The following CPB1 variants were observed in gnomAD, a reference collection of about 807,000 sequenced individuals.
CPB1 encodes the protein carboxypeptidase B.
A neutral mutation model predicts 51.4 loss-of-function variants in CPB1; 53 were observed. The observed-to-expected ratio is 1.03, with a 90% CI of 0.83 to 1.30. The LOEUF is 1.30. Among genes scored for constraint, CPB1 ranks in the 50% most tolerant of loss-of-function variants. The pLI is 0.00. For synonymous variants in CPB1, 189 were observed against 186.9 expected (o/e 1.01, Z -0.09); for missense variants, 494 against 516.2 (o/e 0.96, Z 0.42).
At chr3:148,833,300 G>T (rs557722080) in intron 2 of CPB1, among the ~76,000 whole-genome samples, 1 of 152,068 alleles carries the variant, frequency 6.6e-6, no homozygotes, top group African/African-American at 2.4e-5. Flanking sequence ...GCCTCCCATT[G>T]CCCTGACATT....
rs202185360 is a variant in CPB1 at position 148,836,158 on chromosome 3, GT to G, written c.272+1547del. ...TGTTGTACAAAGAAGGAGATTATAC[GT>G]TTTTTTTTTTAAGAGTCAACAGTAA... is the stretch of plus-strand genomic sequence containing the variant. On this transcript the variant is annotated intron_variant, in intron 3 of 10. Coordinates refer to ENST00000282957, the MANE Select transcript of CPB1 (RefSeq NM_001871.3). 5.9e-3 allele frequency among the ~76,000 whole-genome samples: 857 copies of G among 145,772 alleles called. 4 individuals carry two copies. Among genetic ancestry groups the G allele is most frequent in the Middle Eastern group, 0.028 (8 of 282 alleles).
intron 3 of CPB1, among the ~76,000 whole-genome samples, chr3:148,840,177 CA>C (rs1173610425): frequency 3.9e-5 from 6 of 152,218 alleles, no homozygotes; most frequent in Admixed American, 2.6e-4. Context: ...TCTGAATTTC[CA>C]GACAAGATAT....
At chr3:148,856,238 A>G (rs1247600283) in intron 9 of CPB1, 2 of 152,244 alleles carry the variant, frequency 1.3e-5, no homozygotes, top group African/African-American at 4.8e-5. Context: ...TGATTGCATC[A>G]TTTCAGTGGA....
At chr3:148,856,028 G>T (rs1417606730) in intron 9 of CPB1, 1 of 152,016 alleles carries the variant, frequency 6.6e-6, no homozygotes, top group African/African-American at 2.4e-5. Context: ...TTAAACAAAG[G>T]GTTAAAAAAA....
intron 2 of CPB1, among the ~76,000 whole-genome samples, chr3:148,833,862 C>T (rs768766814): frequency 2.6e-5 from 4 of 152,102 alleles, no homozygotes; most frequent in Non-Finnish European, 5.9e-5. Context: ...CCTAGCATAT[C>T]GTAGGTTCTC....
rs1291657012 is a variant in CPB1 at position 148,845,679 on chromosome 3, C to T, written c.981+53C>T. ...TTTTACTATTGAGATTTTTTAAATT[C>T]TAATCCTGAAAAAAAAATCATTATA... On this transcript the variant is annotated intron_variant, in intron 9 of 10. Transcript: ENST00000282957. 2.2e-6 allele frequency: 3 copies of T among 1,388,156 alleles called. No homozygotes were observed. In the East Asian group the frequency reaches 7.1e-5, roughly 33 times the overall value. 86.0% of individuals were successfully genotyped at this position (1,388,156 alleles called of 1,614,324 possible).
intron 3 of CPB1, 109 bp downstream of exon 3, chr3:148,834,731 C>A: frequency 1.0e-6 from 1 of 997,314 alleles, no homozygotes; most frequent in Non-Finnish European, 1.4e-6. Context: ...ATGCCTTCCC[C>A]AGGACCCCAC....
intron 6 of CPB1, among the ~76,000 whole-genome samples, chr3:148,843,115 T>A (rs1293173107): frequency 1.4e-4 from 22 of 152,118 alleles, no homozygotes; most frequent in Admixed American, 1.3e-3. Flanking sequence ...CAATGTAGGA[T>A]CCTAGATTGT....
Position 148,828,002 on chromosome 3 carries a change from C to T in CPB1, c.72C>T (p.Gly24=), listed in dbSNP as rs80013498. Residue 24 remains glycine, a splice_region_variant and synonymous_variant, in exon 2 of 11, where the codon GGC becomes GGT. Coordinates refer to ENST00000282957, the MANE Select transcript of CPB1 (RefSeq NM_001871.3). ...GTGCTTCTATTATCTCATTATTCAG[C>T]GAGAAGGTGTTCCGTGTTAACGTTG... is the stretch of plus-strand genomic sequence containing the variant. ...SAHHGGEHFE[G]EKVFRVNVED... 1.7e-3 allele frequency: 2,795 copies of T among 1,613,740 alleles called. 48 individuals are homozygous for T. The African/African-American group carries it at 0.034, about 19-fold the overall frequency.
At position 148,840,803 on chromosome 3, in the gene CPB1, T is replaced by G; in HGVS notation, c.372+18T>G. Reference sequence around the variant, plus strand: ...GGGAAACGGTATGATGTGCACATGATTTAGACAGATATTACTTTGGGAATT... The same window carrying G: ...GGGAAACGGTATGATGTGCACATGAGTTAGACAGATATTACTTTGGGAATT... On this transcript the variant is annotated intron_variant, in intron 4 of 10. Coordinates refer to ENST00000282957, the MANE Select transcript of CPB1 (RefSeq NM_001871.3). 1.9e-6 allele frequency: 3 copies of G among 1,613,590 alleles called. No homozygotes were observed. Among genetic ancestry groups the G allele is most frequent in the Non-Finnish European group, 2.5e-6 (3 of 1,179,530 alleles).
chr3:148,857,062 G>GTTTTTTTTTTTTT (rs35574359), intron 9 of CPB1: 7 of 48,176 alleles, frequency 1.5e-4, no homozygotes, highest in African/African-American at 3.9e-4. Context: ...ATTGCCAAGT[G>GTTTTTTTTTTTTT]TTTTTTTTTT....
At chr3:148,852,877 C>G (rs763978690) in intron 9 of CPB1, among the ~76,000 whole-genome samples, 5 of 152,176 alleles carry the variant, frequency 3.3e-5, no homozygotes, top group African/African-American at 4.8e-5. Flanking sequence ...CAAACTTTTT[C>G]CTAACTCCTT....
At position 148,859,848 on chromosome 3, in the gene CPB1, A is replaced by C; in HGVS notation, c.1100A>C (p.Tyr367Ser). 1.2e-6 allele frequency: 2 copies of C among 1,614,062 alleles called. No homozygotes were observed. The highest frequency in any genetic ancestry group is 1.7e-6 in the Non-Finnish European group (2 of 1,179,962). ...PAAGGSDDWA[Y>S]DQGIRYSFTF... ...GCTGGGGGCTCTGACGACTGGGCTT[A>C]TGACCAAGGAATCAGATATTCCTTC... is the stretch of plus-strand genomic sequence containing the variant. The change falls in exon 11 of 11, where the codon TAT becomes TCT. Residue 367 changes from tyrosine to serine, a missense_variant. Physicochemically the swap from Tyr to Ser is moderately radical, Grantham distance 144 (BLOSUM62 -2). Transcript: ENST00000282957.
Position 148,829,892 on chromosome 3 carries a change from G to T in CPB1, c.147+1815G>T, listed in dbSNP as rs116662497. Reference sequence around the variant, plus strand: ...AAGTTTACTCAACTACCCAAGCTAGGGGGGTGTTACCTAGGGGTAACTCTG... The same window carrying T: ...AAGTTTACTCAACTACCCAAGCTAGTGGGGTGTTACCTAGGGGTAACTCTG... On this transcript the variant is annotated intron_variant, in intron 2 of 10. Coordinates refer to ENST00000282957, the MANE Select transcript of CPB1 (RefSeq NM_001871.3). 8.9e-3 allele frequency among the ~76,000 whole-genome samples: 1,352 copies of T among 152,150 alleles called. 23 individuals carry two copies. The highest frequency in any genetic ancestry group is 0.031 in the African/African-American group (1,285 of 41,494).
intron 9 of CPB1, among the ~76,000 whole-genome samples, chr3:148,852,729 C>A (rs1298322075): frequency 6.6e-6 from 1 of 152,206 alleles, no homozygotes; most frequent in Non-Finnish European, 1.5e-5. Flanking sequence ...ACTCACACTT[C>A]ACATTTCCCT....
At chr3:148,834,389 G>A (rs1412216283) in intron 2 of CPB1, 109 bp from the exon 3 acceptor site, 4 of 1,061,144 alleles carry the variant, frequency 3.8e-6, no homozygotes, top group Middle Eastern at 2.1e-4. Context: ...AGATTTCATG[G>A]ATGATTTGAT....
At chr3:148,856,497 TAGA>T (rs1006767787) in intron 9 of CPB1, 1 of 152,234 alleles carries the variant, frequency 6.6e-6, no homozygotes, top group African/African-American at 2.4e-5. Flanking sequence ...CAGGCATATG[TAGA>T]AGAAGTAATT....
At chr3:148,833,454 T>C (rs1003922266) in intron 2 of CPB1, among the ~76,000 whole-genome samples, 2 of 152,174 alleles carry the variant, frequency 1.3e-5, no homozygotes, top group African/African-American at 4.8e-5. Context: ...CAGTTTCTGC[T>C]GCATAACCTC....
intron 2 of CPB1, among the ~76,000 whole-genome samples, chr3:148,833,519 A>G (rs532991730): frequency 6.6e-6 from 1 of 152,248 alleles, no homozygotes; most frequent in African/African-American, 2.4e-5. Flanking sequence ...AAATATCACC[A>G]TCAGACATAT....
Sources: gnomAD v4.1 joint callset for allele counts (sites outside exome capture counted in the v4.1 genomes callset) on GRCh38, gnomAD v4.1.1 for gene constraint, MANE v1.5 for transcripts, NCBI Gene and HGNC (gene_info 2026-07-23, HGNC 2026-07-21) for gene names.